CD163: variants seen among roughly 807,000 people sequenced by gnomAD.
The protein encoded by CD163 is CD163 molecule, also known as scavenger receptor cysteine-rich type 1 protein M130.
Under a neutral mutation model 129.2 loss-of-function variants are expected in CD163, and 64 were observed. The ratio of observed to expected loss-of-function variants is 0.50; its 90% CI spans 0.41 to 0.61. The LOEUF (loss-of-function observed/expected upper bound fraction) is 0.61, where lower values mean the gene tolerates loss of function less well. CD163 is among the 20% of genes least tolerant of loss of function. The probability of loss-of-function intolerance (pLI) is 0.00; values close to 1 mark genes in which losing one functional copy is unlikely to be tolerated. For synonymous variants in CD163, 446 were observed against 478.5 expected (o/e 0.93, Z 0.89); for missense variants, 1,061 against 1,377.9 (o/e 0.77, Z 3.64).
intron 14 of CD163, 107 bp downstream of exon 14, chr12:7,482,535 TC>T: frequency 8.0e-7 from 1 of 1,254,698 alleles, no homozygotes; most frequent in Non-Finnish European, 1.1e-6. Flanking sequence ...TGCTCAAACC[TC>T]TTTTAGAGTC....
intron 11 of CD163, among the ~76,000 whole-genome samples, chr12:7,484,230 T>A (rs1055469972): frequency 6.6e-6 from 1 of 152,020 alleles, no homozygotes; most frequent in Non-Finnish European, 1.5e-5. Context: ...AGATACATAA[T>A]GTGACCCAGT....
rs1565400233 is a variant in CD163, at chr12:7,483,690, A to G, written c.2780-15T>C. On this transcript the variant is annotated splice_polypyrimidine_tract_variant and intron_variant, in intron 11 of 16. Coordinates refer to ENST00000432237, the MANE Select transcript of CD163 (RefSeq NM_203416.4). ...TCTTATCTTGTCTGAAAAATCAGAG[A>G]CATGTAGCCTATTTCTAAGACTTCT... is the stretch of plus-strand genomic sequence containing the variant. 1.3e-6 allele frequency: 2 copies of G among 1,581,926 alleles called. No individual in the cohort carries two copies.
rs1180869274 is a variant in CD163 at position 7,485,757 on chromosome 12, G to T, written c.2459-341C>A. On this transcript the variant is annotated intron_variant, in intron 10 of 16. Transcript: ENST00000432237. This position sits in a 1 kb window ranked among gnomAD's most constrained non-coding sequence, Gnocchi z 4.5. ...GCAACTGTCTTTGATAGTTAAAATT[G>T]TTAGACACTCAGGCACTAAAATCAA... is the stretch of plus-strand genomic sequence containing the variant. Among the ~76,000 whole-genome samples, 1 of 151,802 alleles carries T rather than the reference G, an allele frequency of 6.6e-6. No individual in the cohort carries two copies. Among genetic ancestry groups the T allele is most frequent in the Non-Finnish European group, 1.5e-5 (1 of 67,974 alleles).
chr12:7,488,083 G>A lies in CD163; in HGVS notation c.1425C>T (p.His475=). Residue 475 remains histidine (H), a synonymous_variant, in exon 7 of 17, where the codon CAC becomes CAT. Transcript: ENST00000432237. Reference sequence around the variant, plus strand: ...CCCCTCCAACCAGTCTGGGTTCCCTGTGGGCTGAAAAATAAATATTATTTC... The same window carrying A: ...CCCCTCCAACCAGTCTGGGTTCCCTATGGGCTGAAAAATAAATATTATTTC... ...YEEAKITCSA[H]REPRLVGGDI... The A allele has an allele frequency of 8.7e-6, 14 of 1,605,394 alleles. No homozygotes were observed. The highest frequency in any genetic ancestry group is 1.2e-5 in the Non-Finnish European group (14 of 1,176,334).
At position 7,480,985 on chromosome 12, in the gene CD163, G is replaced by A. The variant is rs866544403; in HGVS notation, c.3343+176C>T. 13 of 1,326,748 alleles carry A rather than the reference G, an allele frequency of 9.8e-6. No homozygotes were observed. In the African/African-American group the frequency reaches 1.3e-4, roughly 14 times the overall value. 82.2% of individuals were successfully genotyped at this position (1,326,748 alleles called of 1,614,324 possible). ...TTAAGCTAAAGGCCTCCCTATGATT[G>A]CAATTTTGATATTCTCCAAGAATAA... On this transcript the variant is annotated intron_variant, in intron 15 of 16. Transcript: ENST00000432237.
At chr12:7,478,012 C>T (rs1163119047) in intron 16 of CD163, among the ~76,000 whole-genome samples, 1 of 152,096 alleles carries the variant, frequency 6.6e-6, no homozygotes, top group Non-Finnish European at 1.5e-5. Context: ...ATAGCCAATA[C>T]ATAAATGGAA....
At chr12:7,492,766 T>A (rs989707452) in intron 6 of CD163, among the ~76,000 whole-genome samples, 1 of 152,166 alleles carries the variant, frequency 6.6e-6, no homozygotes, top group Non-Finnish European at 1.5e-5. Flanking sequence ...AAGAGTCCTA[T>A]AATTTGGAAT....
chr12:7,477,037 G>A (rs1399309959), intron 16 of CD163, among the ~76,000 whole-genome samples: 6 of 152,194 alleles, frequency 3.9e-5, no homozygotes, highest in Non-Finnish European at 5.9e-5. Context: ...ACCACAATGA[G>A]ATACCATCTC....
At chr12:7,476,384 C>G (rs939177262) in intron 16 of CD163, among the ~76,000 whole-genome samples, 3 of 152,146 alleles carry the variant, frequency 2.0e-5, no homozygotes, top group Non-Finnish European at 4.4e-5. Flanking sequence ...GGTACCAAAA[C>G]AGATATATAG....
At position 7,478,070 on chromosome 12, in the gene CD163, G is replaced by A. The variant is rs374966385; in HGVS notation, c.*31+1790C>T. On this transcript the variant is annotated intron_variant, in intron 16 of 16. Transcript: ENST00000432237. ...TTTTTCTTTTTTAGTTGCCTAAACCGTCATTTTTCCAGTCATTACTCCATC... is the reference window on the plus strand; with the variant it reads ...TTTTTCTTTTTTAGTTGCCTAAACCATCATTTTTCCAGTCATTACTCCATC... 9.7e-4 allele frequency among the ~76,000 whole-genome samples: 148 copies of A among 151,888 alleles called. 3 individuals carry two copies. The South Asian group carries it at 0.026, about 27-fold the overall frequency.
chr12:7,500,326 C>T (rs1298048578), intron 3 of CD163, among the ~76,000 whole-genome samples: 1 of 141,034 alleles, frequency 7.1e-6, no homozygotes, highest in Non-Finnish European at 1.5e-5. Context: ...GAGACTGAGG[C>T]AGGAGAATTG....
chr12:7,480,082 C>T (rs111365134), intron 15 of CD163, 169 bp from the exon 16 acceptor site: 7 of 1,244,388 alleles, frequency 5.6e-6, no homozygotes, highest in African/African-American at 1.5e-5. Flanking sequence ...AAAAACACCA[C>T]CCATAACTAG....
Position 7,499,035 on chromosome 12 carries a change from C to G in CD163, c.611G>C (p.Ser204Thr). The G allele has an allele frequency of 1.9e-6, 3 of 1,614,172 alleles. No individual in the cohort carries two copies. Among genetic ancestry groups the G allele is most frequent in the Non-Finnish European group, 2.5e-6 (3 of 1,180,020 alleles). ...SVICRQLECG[S>T]AVSFSGSSNF... ...AGATGAACCAGAGAAACTGACAGCA[C>G]TTCCACATTCAAGTTGTCTACAAAT... The change falls in exon 4 of 17, where the codon AGT becomes ACT. Residue 204 changes from serine to threonine, a missense_variant. By Grantham distance (58) the Ser-to-Thr change is moderately conservative. Transcript: ENST00000432237.
At chr12:7,483,162 G>A (rs1448273203) in intron 12 of CD163, 158 bp from the exon 13 acceptor site, 11 of 826,526 alleles carry the variant, frequency 1.3e-5, no homozygotes, top group Admixed American at 2.6e-5. Context: ...TCTGCACAGG[G>A]AATATAGGTT....
rs755063112 is a variant in CD163, at chr12:7,501,336, A to T, written c.260T>A (p.Val87Glu). 1 of 1,614,082 alleles carries T rather than the reference A, an allele frequency of 6.2e-7. No homozygotes were observed. The highest frequency in any genetic ancestry group is 1.3e-5 in the African/African-American group (1 of 75,028). The change falls in exon 3 of 17, where the codon GTG (valine) becomes GAG (glutamate). Residue 87 changes from valine (V) to glutamate (E), a missense_variant. Coordinates refer to ENST00000432237, the MANE Select transcript of CD163 (RefSeq NM_203416.4). ...NNGWSMEAVSVICNQLGCPTA... is the reference protein window; with the variant it reads ...NNGWSMEAVSEICNQLGCPTA... ...TGGACATCCCAGCTGGTTACAAATC[A>T]CAGAGACCGCTTCCATGCTCCAGCC...
intron 1 of CD163, chr12:7,502,829 A>G (rs1949513376): frequency 1.8e-6 from 1 of 547,752 alleles, no homozygotes. Flanking sequence ...TGCAAGGTCA[A>G]CCCTTAAAAC....
Position 7,483,478 on chromosome 12 carries a change from G to T in CD163, c.2977C>A (p.Leu993Ile). ...TTCCCTTTGCACTTCACTTCATTGA[G>T]CCATATCGGTCCAGTCCCCTGACCA... ...EFGQGTGPIW[L>I]NEVKCKGNES... Residue 993 changes from leucine (L) to isoleucine (I), a missense_variant, in exon 12 of 17, where the codon CTC becomes ATC. Coordinates refer to ENST00000432237, the MANE Select transcript of CD163 (RefSeq NM_203416.4). 6.2e-7 allele frequency: 1 copy of T among 1,614,016 alleles called. No individual in the cohort carries two copies. The highest frequency in any genetic ancestry group is 8.5e-7 in the Non-Finnish European group (1 of 1,179,968).
chr12:7,485,170 AG>A lies in CD163; in HGVS notation c.2704del (p.Leu902CysfsTer28), dbSNP rs1341152386. ...CCATGGAGATGATGGGCACTGCCAC[AG>A]CGTGTCAGGTCCTTTTGGACACTGA... is the stretch of plus-strand genomic sequence containing the variant. Reference protein sequence around the residue: ...NVQCPKGPDTLWQCPSSPWEK... With the variant: ...NVQCPKGPDTXWQCPSSPWEK... On this transcript the variant is annotated frameshift_variant, in exon 11 of 17. Transcript: ENST00000432237. LOFTEE classifies it high-confidence loss of function. The surrounding 1 kb of genome is among the most constrained non-coding windows in gnomAD (Gnocchi z 4.5). The A allele has an allele frequency of 6.2e-7, 1 of 1,614,044 alleles. No individual in the cohort carries two copies. The highest frequency in any genetic ancestry group is 2.2e-5 in the East Asian group (1 of 44,898).
intron 6 of CD163, among the ~76,000 whole-genome samples, chr12:7,493,695 CTT>C (rs1307344171): frequency 6.6e-6 from 1 of 151,580 alleles, no homozygotes; most frequent in African/African-American, 2.4e-5. Context: ...AGAAATAAAA[CTT>C]AAGATTCAAC....
Sources: allele counts gnomAD v4.1 joint callset (sites outside exome capture counted in the v4.1 genomes callset), GRCh38; gene constraint gnomAD v4.1.1; non-coding constraint Gnocchi (gnomAD v3.1); transcripts MANE v1.5; gene names NCBI Gene and HGNC (gene_info 2026-07-23, HGNC 2026-07-21).